ITPR2: variants seen among roughly 807,000 people sequenced by gnomAD.
ITPR2 encodes the protein inositol 1,4,5-trisphosphate-gated calcium channel ITPR2.
ITPR2 carries 207 observed loss-of-function variants against 317.1 expected under a neutral mutation model. That is an observed-to-expected ratio of 0.65 (90% CI 0.58 to 0.73). ITPR2 has a LOEUF of 0.73. Ranked by LOEUF, ITPR2 falls within the 30% of genes least tolerant of loss-of-function variation. The probability of loss-of-function intolerance (pLI) is 0.00; values close to 1 mark genes in which losing one functional copy is unlikely to be tolerated. For missense variants in ITPR2, 2,613 were observed against 3,284.0 expected, an observed-to-expected ratio of 0.80 and a Z score of 4.99; for synonymous variants, 1,156 against 1,149.1, an observed-to-expected ratio of 1.01 and a Z score of -0.12.
chr12:26,692,853 T>C (rs1592044017), intron 10 of ITPR2, among the ~76,000 whole-genome samples: 1 of 152,028 alleles, frequency 6.6e-6, no homozygotes, highest in South Asian at 2.1e-4. Flanking sequence ...AAAGAAAAAA[T>C]TAGCATGGTC....
intron 2 of ITPR2, among the ~76,000 whole-genome samples, chr12:26,748,467 A>T (rs1485832347): frequency 6.6e-6 from 1 of 152,246 alleles, no homozygotes; most frequent in East Asian, 1.9e-4. Context: ...TGCCGTTAAA[A>T]GTAATAGTAA....
chr12:26,404,275 C>T (rs964727033), intron 52 of ITPR2, among the ~76,000 whole-genome samples: 4 of 152,090 alleles, frequency 2.6e-5, no homozygotes, highest in African/African-American at 9.7e-5. Context: ...GGAAAAGGAT[C>T]GTCCCATTAG....
At position 26,663,731 on chromosome 12, in the gene ITPR2, C is replaced by A; in HGVS notation, c.1667G>T (p.Cys556Phe). ...CTGCGAGTGTCTCAGGACGCGGTAA[C>A]AGAGCCGCAGCATGTACTTGTAGGG... ...YAPYKYMLRL[C>F]YRVLRHSQQD... is the part of the protein sequence containing the mutation. Residue 556 changes from cysteine (C) to phenylalanine (F), a missense_variant, in exon 15 of 57, where the codon TGT becomes TTT. Coordinates refer to ENST00000381340, the MANE Select transcript of ITPR2 (RefSeq NM_002223.4). 6.8e-6 allele frequency: 11 copies of A among 1,613,760 alleles called. No homozygotes were observed. The highest frequency in any genetic ancestry group is 7.6e-6 in the Non-Finnish European group (9 of 1,179,906).
chr12:26,459,705 C>A (rs1941968033), intron 45 of ITPR2, among the ~76,000 whole-genome samples: 1 of 152,176 alleles, frequency 6.6e-6, no homozygotes, highest in Non-Finnish European at 1.5e-5. Flanking sequence ...AACTCTTGAA[C>A]TTTTACTCCT....
intron 20 of ITPR2, among the ~76,000 whole-genome samples, 163 bp downstream of exon 20, chr12:26,655,545 C>T (rs926022880): frequency 1.5e-4 from 22 of 145,050 alleles, no homozygotes; most frequent in East Asian, 6.4e-4. Flanking sequence ...ACCCGGGAGG[C>T]GGAGCTTGCA....
chr12:26,615,374 G>T (rs1291294210), intron 26 of ITPR2, among the ~76,000 whole-genome samples: 1 of 152,104 alleles, frequency 6.6e-6, no homozygotes, highest in African/African-American at 2.4e-5. Context: ...AAAATATAGT[G>T]GCTGAAGTTT....
chr12:26,671,522 C>T (rs1047380889), intron 13 of ITPR2, among the ~76,000 whole-genome samples: 4 of 152,012 alleles, frequency 2.6e-5, no homozygotes, highest in African/African-American at 9.7e-5. Flanking sequence ...CACCACCAGG[C>T]CTGCCCTAAA....
intron 2 of ITPR2, among the ~76,000 whole-genome samples, chr12:26,759,170 G>T (rs552592813): frequency 6.6e-6 from 1 of 152,176 alleles, no homozygotes; most frequent in African/African-American, 2.4e-5. Flanking sequence ...CCCCTCCCCA[G>T]ATGTAGGTGA....
At chr12:26,461,675 C>T (rs1366720936) in intron 45 of ITPR2, among the ~76,000 whole-genome samples, 1 of 75,676 alleles carries the variant, frequency 1.3e-5, no homozygotes, top group African/African-American at 4.2e-5. Flanking sequence ...TATATATGCA[C>T]ACATACATAT....
chr12:26,831,673 TA>T lies in ITPR2; in HGVS notation c.92+1016del, dbSNP rs1460834720. ...TTTAACCATTTGGCACACTGTTTTA[TA>T]TATAAATATATATATATATTCTACA... On this transcript the variant is annotated intron_variant, in intron 1 of 56. Transcript: ENST00000381340. This position sits in a 1 kb window ranked among gnomAD's most constrained non-coding sequence, Gnocchi z 4.9. 2.2e-5 allele frequency among the ~76,000 whole-genome samples: 3 copies of T among 139,366 alleles called. No individual in the cohort carries two copies. Among genetic ancestry groups the T allele is most frequent in the Non-Finnish European group, 4.7e-5 (3 of 63,568 alleles). 91.4% of individuals were successfully genotyped at this position (139,366 alleles called of 152,430 possible). A position where few individuals can be genotyped will look rare whatever the true frequency, so the allele number is the denominator to read the frequency against.
chr12:26,816,189 C>T (rs1950849580), intron 1 of ITPR2, among the ~76,000 whole-genome samples: 1 of 151,086 alleles, frequency 6.6e-6, no homozygotes, highest in Admixed American at 6.6e-5. Context: ...CTTAGCCAAG[C>T]TTCCAAAAAG....
At chr12:26,734,829 T>C (rs1438005930) in intron 2 of ITPR2, among the ~76,000 whole-genome samples, 2 of 152,124 alleles carry the variant, frequency 1.3e-5, no homozygotes, top group African/African-American at 4.8e-5. Context: ...AACAAAAAGA[T>C]CATGGAGTCT....
At chr12:26,499,305 C>T (rs965167613) in intron 37 of ITPR2, among the ~76,000 whole-genome samples, 1 of 152,096 alleles carries the variant, frequency 6.6e-6, no homozygotes, top group Admixed American at 6.5e-5. Flanking sequence ...TCAATTATAG[C>T]CCCATTAGAA....
intron 5 of ITPR2, among the ~76,000 whole-genome samples, chr12:26,722,094 C>T (rs1334706131): frequency 6.6e-6 from 1 of 152,126 alleles, no homozygotes; most frequent in Non-Finnish European, 1.5e-5. Flanking sequence ...AAGCTTCCTC[C>T]TAATTAGGCA....
At chr12:26,584,896 A>G (rs920432236) in intron 32 of ITPR2, among the ~76,000 whole-genome samples, 1 of 152,188 alleles carries the variant, frequency 6.6e-6, no homozygotes, top group South Asian at 2.1e-4. Context: ...TAAATATCTG[A>G]GGTGATATCT....
chr12:26,648,073 T>A (rs1947155950), intron 21 of ITPR2, among the ~76,000 whole-genome samples: 1 of 152,184 alleles, frequency 6.6e-6, no homozygotes, highest in Non-Finnish European at 1.5e-5. Flanking sequence ...TGGGCTGCTG[T>A]GTGACCAAGG....
At chr12:26,712,032 A>C (rs1480748175) in intron 8 of ITPR2, among the ~76,000 whole-genome samples, 1 of 152,188 alleles carries the variant, frequency 6.6e-6, no homozygotes, top group African/African-American at 2.4e-5. Flanking sequence ...AGAAGCTCTG[A>C]CACACCTGGT....
intron 52 of ITPR2, among the ~76,000 whole-genome samples, chr12:26,403,732 A>T (rs971680370): frequency 3.9e-5 from 6 of 152,246 alleles, no homozygotes; most frequent in Non-Finnish European, 7.3e-5. Context: ...TGTAGACTCT[A>T]TATTAAGTAG....
In ITPR2 at chr12:26,711,206, C is replaced by T. The variant is rs1948636940; in HGVS notation, c.918G>A (p.Lys306=). ...AGQWNSLFRF[K]HLATGNYLAA... ...CTAAATAGTTTCCAGTTGCAAGATG[C>T]TTAAATCTGAACAAGCTGTTCCACT... Residue 306 remains lysine, a synonymous_variant, in exon 9 of 57, where the codon AAG becomes AAA. Transcript: ENST00000381340. The T allele has an allele frequency of 1.2e-6, 2 of 1,613,702 alleles. No individual in the cohort carries two copies. Among genetic ancestry groups the T allele is most frequent in the African/African-American group, 1.3e-5 (1 of 74,900 alleles).
Sources: allele counts gnomAD v4.1 joint callset (sites outside exome capture counted in the v4.1 genomes callset), GRCh38; gene constraint gnomAD v4.1.1; non-coding constraint Gnocchi (gnomAD v3.1); transcripts MANE v1.5; gene names NCBI Gene and HGNC (gene_info 2026-07-23, HGNC 2026-07-21).